DNMT1: variants seen among roughly 807,000 people sequenced by gnomAD.
DNMT1 encodes DNA methyltransferase 1.
DNMT1 carries 24 observed loss-of-function variants against 205.3 expected under a neutral mutation model. The observed-to-expected ratio is 0.12, with a 90% CI of 0.08 to 0.16. DNMT1 has a LOEUF of 0.16. DNMT1 is among the 10% of genes least tolerant of loss of function. The pLI, the probability that DNMT1 is intolerant of heterozygous loss-of-function variation, is 1.00. For missense variants in DNMT1, 1,293 were observed against 2,177.7 expected, an observed-to-expected ratio of 0.59 and a Z score of 8.09; for synonymous variants, 817 against 839.8, an observed-to-expected ratio of 0.97 and a Z score of 0.47.
In DNMT1 at chr19:10,155,807, G is replaced by C. The variant is rs1270848257; in HGVS notation, c.1492+46C>G. ...CAGCCCCCAGGAAGGAGAACATGAAGGCCCCTTTCAGACCCCGGCCAGCCT... is the reference window on the plus strand; with the variant it reads ...CAGCCCCCAGGAAGGAGAACATGAACGCCCCTTTCAGACCCCGGCCAGCCT... On this transcript the variant is annotated intron_variant, in intron 19 of 40. Transcript: ENST00000359526. 1.9e-6 allele frequency: 3 copies of C among 1,579,508 alleles called. No homozygotes were observed. In the African/African-American group the frequency reaches 4.0e-5, roughly 21 times the overall value.
Position 10,140,221 on chromosome 19 carries a change from G to A in DNMT1, c.3631C>T (p.Leu1211=), listed in dbSNP as rs1393600936. The change falls in exon 33 of 41, where the codon CTG becomes TTG. Residue 1211 remains leucine, a synonymous_variant. Transcript: ENST00000359526. The surrounding 1 kb of genome is among the most constrained non-coding windows in gnomAD (Gnocchi z 8.4). ...GTCTCCCCAGCCATGACCAGCTTCA[G>A]CAGGATGTTGCAGTCCTCTGTGAAC... ...TVFTEDCNIL[L]KLVMAGETTN... 22 of 1,614,102 alleles carry A rather than the reference G, an allele frequency of 1.4e-5. No individual in the cohort carries two copies. The highest frequency in any genetic ancestry group is 1.9e-5 in the Non-Finnish European group (22 of 1,180,040).
chr19:10,175,773 A>T (rs1472578323), intron 6 of DNMT1, among the ~76,000 whole-genome samples, 155 bp from the exon 7 acceptor site: 1 of 152,198 alleles, frequency 6.6e-6, no homozygotes, highest in Non-Finnish European at 1.5e-5. Context: ...CCATCTTGTA[A>T]GTCCTAAGAA....
rs890201383 is a variant in DNMT1, at chr19:10,152,179, A to G, written c.2020-332T>C. Among the ~76,000 whole-genome samples the G allele has an allele frequency of 2.4e-4, 36 of 148,254 alleles. 1 individual carries two copies. The highest frequency in any genetic ancestry group is 7.6e-4 in the African/African-American group (31 of 40,554). On this transcript the variant is annotated intron_variant, in intron 22 of 40. Transcript: ENST00000359526. ...CCATCTCAAAAAAAAAAAAAAAAAAAAAAAAAAAAAGGAAAAAAAAAGGGC... is the reference window on the plus strand; with the variant it reads ...CCATCTCAAAAAAAAAAAAAAAAAAGAAAAAAAAAAGGAAAAAAAAAGGGC...
chr19:10,194,769 C>G, intron 1 of DNMT1, 51 bp downstream of exon 1: 1 of 1,561,414 alleles, frequency 6.4e-7, no homozygotes, highest in Non-Finnish European at 8.7e-7. Context: ...GACCCCCCAC[C>G]CAGCGCCCTG....
At chr19:10,177,264 G>C in intron 6 of DNMT1, 28 bp downstream of exon 6, 1 of 1,611,364 alleles carries the variant, frequency 6.2e-7, no homozygotes, top group Non-Finnish European at 8.5e-7. Context: ...CCCTAAAAAA[G>C]GCAGCCGCCA....
rs4804490 is a variant in DNMT1, at chr19:10,156,335, C to A, written c.1399+56G>T. The A allele has an allele frequency of 0.095, 133,751 of 1,410,962 alleles. 10,084 individuals carry two copies. Among genetic ancestry groups the A allele is most frequent in the East Asian group, 0.37 (15,863 of 43,288 alleles). 87.4% of individuals were successfully genotyped at this position (1,410,962 alleles called of 1,614,324 possible). A position where few individuals can be genotyped will look rare whatever the true frequency, so the allele number is the denominator to read the frequency against. On this transcript the variant is annotated intron_variant, in intron 18 of 40. Coordinates refer to ENST00000359526, the MANE Select transcript of DNMT1 (RefSeq NM_001130823.3). The surrounding 1 kb of genome is among the most constrained non-coding windows in gnomAD (Gnocchi z 4.2). Reference sequence around the variant, plus strand: ...GTGCTAGGATTACAGATGTGAGCCACCCTGCCTGGCTGTTTTTAAAGTGTG... The same window carrying A: ...GTGCTAGGATTACAGATGTGAGCCAACCTGCCTGGCTGTTTTTAAAGTGTG...
chr19:10,165,703 T>C (rs1239900961), intron 11 of DNMT1, among the ~76,000 whole-genome samples: 1 of 152,190 alleles, frequency 6.6e-6, no homozygotes, highest in African/African-American at 2.4e-5. Flanking sequence ...CTCACATCCC[T>C]TTCTACCATG....
In DNMT1 at chr19:10,138,084, T is replaced by A; in HGVS notation, c.4116-75A>T. The A allele has an allele frequency of 6.6e-7, 1 of 1,518,650 alleles. No individual in the cohort carries two copies. The highest frequency in any genetic ancestry group is 8.9e-7 in the Non-Finnish European group (1 of 1,119,846). The allele number at this position is 1,518,650 out of a possible 1,614,324, so 94.1% of individuals were successfully genotyped here. A position where few individuals can be genotyped will look rare whatever the true frequency, so the allele number is the denominator to read the frequency against. On this transcript the variant is annotated intron_variant, in intron 35 of 40. Coordinates refer to ENST00000359526, the MANE Select transcript of DNMT1 (RefSeq NM_001130823.3). This position sits in a 1 kb window ranked among gnomAD's most constrained non-coding sequence, Gnocchi z 4.1. ...TCCCCTCATCACAGGTGCCACCCCC[T>A]GCCTGCTCAGATGGCCTTCTCCCGA...
intron 29 of DNMT1, 113 bp from the exon 30 acceptor site, chr19:10,142,333 G>C: frequency 3.4e-6 from 5 of 1,451,472 alleles, no homozygotes; most frequent in South Asian, 1.2e-5. Flanking sequence ...AGACCCCCTA[G>C]TTCGAGAACC....
Position 10,137,715 on chromosome 19 carries a change from G to T in DNMT1, c.4293+117C>A. On this transcript the variant is annotated intron_variant, in intron 36 of 40. Transcript: ENST00000359526. This position sits in a 1 kb window ranked among gnomAD's most constrained non-coding sequence, Gnocchi z 6.4. ...GGTCACACAAAGGCTGAGGACTCGG[G>T]AGGAGGAGCCTGGGATCAGATTCCA... The T allele has an allele frequency of 7.2e-7, 1 of 1,394,380 alleles. No homozygotes were observed. The allele number at this position is 1,394,380 out of a possible 1,614,324, so 86.4% of individuals were successfully genotyped here.
At chr19:10,185,074 G>A (rs1280430658) in intron 1 of DNMT1, among the ~76,000 whole-genome samples, 1 of 152,214 alleles carries the variant, frequency 6.6e-6, no homozygotes, top group Admixed American at 6.5e-5. Flanking sequence ...AGAGCTAAGT[G>A]ATTAGATGTA....
chr19:10,187,118 A>G (rs893524793), intron 1 of DNMT1, among the ~76,000 whole-genome samples: 1 of 151,960 alleles, frequency 6.6e-6, no homozygotes, highest in Non-Finnish European at 1.5e-5. Context: ...GGAGGGCAAA[A>G]GCATCACACT....
At chr19:10,135,073 G>A (rs2089446976) in intron 39 of DNMT1, among the ~76,000 whole-genome samples, 1 of 151,672 alleles carries the variant, frequency 6.6e-6, no homozygotes, top group African/African-American at 2.4e-5. Context: ...TTAGCCGGGT[G>A]TGGTAGCACA....
chr19:10,190,554 G>T (rs2039280092), intron 1 of DNMT1, among the ~76,000 whole-genome samples: 1 of 151,968 alleles, frequency 6.6e-6, no homozygotes, highest in South Asian at 2.1e-4. Context: ...CTTGAGTCCA[G>T]GAGTTCAACA....
intron 40 of DNMT1, 25 bp downstream of exon 40, chr19:10,134,192 G>A: frequency 6.2e-7 from 1 of 1,613,688 alleles, no homozygotes. Context: ...AGGCCCCAGA[G>A]GAAGCCTGGC....
Position 10,155,834 on chromosome 19 carries a change from T to C in DNMT1, c.1492+19A>G. On this transcript the variant is annotated intron_variant, in intron 19 of 40. Coordinates refer to ENST00000359526, the MANE Select transcript of DNMT1 (RefSeq NM_001130823.3). ...CCCCTTTCAGACCCCGGCCAGCCTATGATGGGCCACACACTTACAGGTGCT... is the reference window on the plus strand; with the variant it reads ...CCCCTTTCAGACCCCGGCCAGCCTACGATGGGCCACACACTTACAGGTGCT... 1 of 1,610,672 alleles carries C rather than the reference T, an allele frequency of 6.2e-7. No homozygotes were observed. The highest frequency in any genetic ancestry group is 8.5e-7 in the Non-Finnish European group (1 of 1,178,418).
intron 8 of DNMT1, 34 bp downstream of exon 8, chr19:10,173,834 CGTA>C (rs1568249034): frequency 6.2e-7 from 1 of 1,610,964 alleles, no homozygotes; most frequent in Non-Finnish European, 8.5e-7. Context: ...TTACACAACT[CGTA>C]GAACAAAAAG....
At chr19:10,174,994 G>A (rs2038905701) in intron 7 of DNMT1, among the ~76,000 whole-genome samples, 1 of 149,698 alleles carries the variant, frequency 6.7e-6, no homozygotes, top group Admixed American at 6.7e-5. Context: ...GGCTGAGGTT[G>A]CAATGAACCA....
chr19:10,190,313 T>G (rs1017686184), intron 1 of DNMT1, among the ~76,000 whole-genome samples: 1 of 152,162 alleles, frequency 6.6e-6, no homozygotes, highest in African/African-American at 2.4e-5. Context: ...TGCTCCAAGC[T>G]GCAGATACAG....
Sources: allele counts gnomAD v4.1 joint callset (sites outside exome capture counted in the v4.1 genomes callset), GRCh38; gene constraint gnomAD v4.1.1; non-coding constraint Gnocchi (gnomAD v3.1); transcripts MANE v1.5; gene names NCBI Gene and HGNC (gene_info 2026-07-23, HGNC 2026-07-21).